CCDC170: variants seen among roughly 807,000 people sequenced by gnomAD.
The protein encoded by CCDC170 is coiled-coil domain containing 170, also known as coiled-coil domain-containing protein 170.
Under a neutral mutation model 72.6 loss-of-function variants are expected in CCDC170, and 69 were observed. The observed-to-expected ratio is 0.95, with a 90% CI of 0.78 to 1.16. The LOEUF (loss-of-function observed/expected upper bound fraction) is 1.16. Ranked by LOEUF, CCDC170 falls within the 50% of genes most tolerant of loss-of-function variation. The probability of loss-of-function intolerance (pLI) is 0.00; values close to 1 mark genes in which losing one functional copy is unlikely to be tolerated. For synonymous variants in CCDC170, 300 were observed against 303.9 expected, an observed-to-expected ratio of 0.99 and a Z score of 0.13; for missense variants, 852 against 832.5, an observed-to-expected ratio of 1.02 and a Z score of -0.29.
At chr6:151,530,112 T>C (rs1782473639) in intron 1 of CCDC170, among the ~76,000 whole-genome samples, 1 of 152,224 alleles carries the variant, frequency 6.6e-6, no homozygotes, top group Non-Finnish European at 1.5e-5. Context: ...GTATCAGTAT[T>C]GTTTTTTCTT....
chr6:151,557,960 C>T (rs763231672), intron 5 of CCDC170, among the ~76,000 whole-genome samples: 3 of 152,046 alleles, frequency 2.0e-5, no homozygotes, highest in Non-Finnish European at 2.9e-5. Flanking sequence ...ATCAGCTGGA[C>T]GTGGTGATAC....
chr6:151,615,562 C>T lies in CCDC170; in HGVS notation c.1830C>T (p.Thr610=). ...TGTCTGTCAAGTCAGAACTGGATAC[C>T]ACAGAACATGAGGCTAAGGAGAATA... ...KLMSVKSELD[T]TEHEAKENKE... is the part of the protein sequence containing the mutation. Residue 610 remains threonine (T), a synonymous_variant, in exon 10 of 11, where the codon ACC becomes ACT. Transcript: ENST00000239374. The T allele has an allele frequency of 6.2e-7, 1 of 1,613,846 alleles. No homozygotes were observed. Among genetic ancestry groups the T allele is most frequent in the South Asian group, 1.1e-5 (1 of 91,054 alleles).
intron 9 of CCDC170, among the ~76,000 whole-genome samples, chr6:151,611,725 T>A (rs1303823578): frequency 6.6e-6 from 1 of 152,082 alleles, no homozygotes; most frequent in East Asian, 1.9e-4. Flanking sequence ...GTTTTTGTTT[T>A]TTTGCGACGG....
At chr6:151,551,193 T>C (rs541924494) in intron 5 of CCDC170, among the ~76,000 whole-genome samples, 5 of 152,312 alleles carry the variant, frequency 3.3e-5, no homozygotes, top group African/African-American at 1.2e-4. Flanking sequence ...TAATATGTAT[T>C]TGTTATTGTT....
At chr6:151,535,921 A>AT (rs1207586026) in intron 1 of CCDC170, among the ~76,000 whole-genome samples, 2 of 151,702 alleles carry the variant, frequency 1.3e-5, no homozygotes, top group Non-Finnish European at 2.9e-5. Flanking sequence ...ATTAAAAAAA[A>AT]TTTTTTTTCT....
At chr6:151,542,184 G>A (rs1193250380) in intron 3 of CCDC170, among the ~76,000 whole-genome samples, 1 of 151,242 alleles carries the variant, frequency 6.6e-6, no homozygotes, top group Non-Finnish European at 1.5e-5. Flanking sequence ...CTGGCCATAT[G>A]TTATAAATAT....
chr6:151,585,252 G>T (rs1776436277), intron 6 of CCDC170, among the ~76,000 whole-genome samples: 1 of 152,122 alleles, frequency 6.6e-6, no homozygotes, highest in South Asian at 2.1e-4. Flanking sequence ...CTGCTCTCTT[G>T]TACATTGACA....
At position 151,572,811 on chromosome 6, in the gene CCDC170, C is replaced by T. The variant is rs7741872; in HGVS notation, c.775-363C>T. On this transcript the variant is annotated intron_variant, in intron 5 of 10. Coordinates refer to ENST00000239374, the MANE Select transcript of CCDC170 (RefSeq NM_025059.4). ...ATTACAGGTGTGCGCCACTATGCCC[C>T]GCTAAGTTTTGTATTTTTGTTTAGT... 3.3e-5 allele frequency among the ~76,000 whole-genome samples: 5 copies of T among 151,420 alleles called. No homozygotes were observed. In the East Asian group the frequency reaches 7.8e-4, roughly 24 times the overall value.
chr6:151,596,628 G>A (rs1368350810), intron 9 of CCDC170, 51 bp downstream of exon 9: 3 of 1,595,534 alleles, frequency 1.9e-6, no homozygotes, highest in South Asian at 1.1e-5. Flanking sequence ...TACTGTCAAT[G>A]TTTTATGCAA....
intron 3 of CCDC170, among the ~76,000 whole-genome samples, chr6:151,542,624 A>G (rs1782709558): frequency 6.6e-6 from 1 of 152,218 alleles, no homozygotes; most frequent in Admixed American, 6.5e-5. Flanking sequence ...TAGTTCCACT[A>G]AAAAAATTAC....
intron 9 of CCDC170, 98 bp from the exon 10 acceptor site, chr6:151,615,345 G>A: frequency 1.2e-6 from 1 of 830,256 alleles, no homozygotes; most frequent in Non-Finnish European, 2.0e-6. Context: ...TCATAAAAAG[G>A]GTATGAAGTG....
intron 1 of CCDC170, among the ~76,000 whole-genome samples, chr6:151,533,568 G>A (rs1782527775): frequency 1.3e-5 from 2 of 151,796 alleles, no homozygotes; most frequent in Admixed American, 6.6e-5. Flanking sequence ...TCGGGAGGCT[G>A]AGGCAGGAGA....
chr6:151,506,545 C>T (rs1236447291), intron 1 of CCDC170, among the ~76,000 whole-genome samples: 1 of 152,166 alleles, frequency 6.6e-6, no homozygotes. Flanking sequence ...TTTCATTTCA[C>T]ATCATTTTGA....
chr6:151,557,052 A>G (rs1189362687), intron 5 of CCDC170, among the ~76,000 whole-genome samples: 1 of 152,104 alleles, frequency 6.6e-6, no homozygotes, highest in Non-Finnish European at 1.5e-5. Flanking sequence ...GTTCCTGCAA[A>G]TTACATGATT....
At chr6:151,523,954 C>T (rs879653657) in intron 1 of CCDC170, among the ~76,000 whole-genome samples, 6 of 151,990 alleles carry the variant, frequency 3.9e-5, no homozygotes, top group Admixed American at 6.6e-5. Flanking sequence ...GAGGTTGGAG[C>T]GAAAGTTTAA....
chr6:151,581,173 A>T (rs568230374), intron 6 of CCDC170, among the ~76,000 whole-genome samples: 12 of 151,762 alleles, frequency 7.9e-5, no homozygotes, highest in African/African-American at 2.9e-4. Flanking sequence ...ACAACAATTG[A>T]CTCTTTTTTT....
intron 1 of CCDC170, among the ~76,000 whole-genome samples, chr6:151,501,540 A>G (rs1398848851): frequency 6.6e-6 from 1 of 152,230 alleles, no homozygotes; most frequent in Non-Finnish European, 1.5e-5. Context: ...ATAACCAGTT[A>G]ATCCGTTTAC....
intron 9 of CCDC170, among the ~76,000 whole-genome samples, chr6:151,606,025 C>T (rs1385521621): frequency 6.6e-6 from 1 of 151,930 alleles, no homozygotes; most frequent in African/African-American, 2.4e-5. Flanking sequence ...ACTCAGCCAC[C>T]CAAGTAGCTG....
chr6:151,498,637 G>C (rs904857530), intron 1 of CCDC170, among the ~76,000 whole-genome samples: 12 of 152,232 alleles, frequency 7.9e-5, no homozygotes, highest in Middle Eastern at 6.8e-3. Context: ...TTCTAGGCAT[G>C]CTGTATAAGT....
Sources: gnomAD v4.1 joint callset for allele counts (sites outside exome capture counted in the v4.1 genomes callset) on GRCh38, gnomAD v4.1.1 for gene constraint, MANE v1.5 for transcripts, NCBI Gene and HGNC (gene_info 2026-07-23, HGNC 2026-07-21) for gene names.